Variants in REEP3 observed in about 807,000 individuals in gnomAD.
REEP3 encodes receptor accessory protein 3.
A neutral mutation model predicts 41.3 loss-of-function variants in REEP3; 20 were observed. The observed-to-expected ratio is 0.48, with a 90% CI of 0.34 to 0.70. The LOEUF (loss-of-function observed/expected upper bound fraction) is 0.70, where lower values mean the gene tolerates loss of function less well. Ranked by LOEUF, REEP3 falls within the 30% of genes least tolerant of loss-of-function variation. The pLI, the probability that REEP3 is intolerant of heterozygous loss-of-function variation, is 0.01. For synonymous variants in REEP3, 104 were observed against 101.8 expected (o/e 1.02, Z -0.13); for missense variants, 271 against 308.8 (o/e 0.88, Z 0.92).
intron 5 of REEP3, among the ~76,000 whole-genome samples, chr10:63,603,369 CATT>C (rs1956192715): frequency 6.7e-6 from 1 of 148,406 alleles, no homozygotes; most frequent in South Asian, 2.1e-4. Context: ...TTAAAATAAG[CATT>C]ATCTCACAGG....
intron 6 of REEP3, among the ~76,000 whole-genome samples, chr10:63,613,318 A>C (rs1395435797): frequency 6.6e-6 from 1 of 152,088 alleles, no homozygotes; most frequent in Non-Finnish European, 1.5e-5. Flanking sequence ...CCACCTACCA[A>C]ATTTTATATC....
chr10:63,532,840 G>A (rs1955436509), intron 1 of REEP3, among the ~76,000 whole-genome samples: 1 of 152,090 alleles, frequency 6.6e-6, no homozygotes, highest in African/African-American at 2.4e-5. Flanking sequence ...AGGAGGTAAA[G>A]GCTGCAGTGA....
intron 2 of REEP3, among the ~76,000 whole-genome samples, chr10:63,577,337 T>G (rs1955906831): frequency 2.0e-5 from 3 of 152,160 alleles, no homozygotes; most frequent in Non-Finnish European, 4.4e-5. Flanking sequence ...AGGAGGGACA[T>G]TGACAGGCTT....
chr10:63,610,911 A>G (rs1244044765), intron 6 of REEP3, among the ~76,000 whole-genome samples: 1 of 152,098 alleles, frequency 6.6e-6, no homozygotes, highest in Admixed American at 6.5e-5. Context: ...TCTACTAACA[A>G]TACAAAAAAA....
Position 63,538,434 on chromosome 10 carries a change from T to C in REEP3, c.32+16857T>C, listed in dbSNP as rs561191825. Among the ~76,000 whole-genome samples, 14 of 152,264 alleles carry C rather than the reference T, an allele frequency of 9.2e-5. No homozygotes were observed. In the East Asian group the frequency reaches 2.3e-3, roughly 25 times the overall value. On this transcript the variant is annotated intron_variant, in intron 1 of 7. Transcript: ENST00000373758. ...CTTGATGCACACAGAGTGTCATTTATATAAGACGAGGAAAACGGGCCGGGT... is the reference window on the plus strand; with the variant it reads ...CTTGATGCACACAGAGTGTCATTTACATAAGACGAGGAAAACGGGCCGGGT...
intron 1 of REEP3, among the ~76,000 whole-genome samples, chr10:63,542,665 A>G (rs2062859443): frequency 6.6e-6 from 1 of 152,218 alleles, no homozygotes; most frequent in Admixed American, 6.5e-5. Context: ...CAGACTCGCA[A>G]CCCTTTTGTA....
chr10:63,618,850 C>T (rs1049196614), intron 6 of REEP3, among the ~76,000 whole-genome samples: 3 of 152,250 alleles, frequency 2.0e-5, no homozygotes, highest in Non-Finnish European at 4.4e-5. Flanking sequence ...GAAGAGTTTT[C>T]GTCCTTGAGG....
At chr10:63,554,221 A>C (rs1955656691) in intron 1 of REEP3, among the ~76,000 whole-genome samples, 3 of 152,026 alleles carry the variant, frequency 2.0e-5, no homozygotes, top group Admixed American at 1.3e-4. Flanking sequence ...AAAGTAAACA[A>C]CTCCTCTGAG....
chr10:63,610,680 G>C (rs1284540985), intron 6 of REEP3, among the ~76,000 whole-genome samples: 1 of 152,056 alleles, frequency 6.6e-6, no homozygotes, highest in African/African-American at 2.4e-5. Flanking sequence ...AATTTAGGTA[G>C]ACAAAATTTA....
At chr10:63,613,432 A>G (rs1956290561) in intron 6 of REEP3, among the ~76,000 whole-genome samples, 2 of 152,256 alleles carry the variant, frequency 1.3e-5, no homozygotes, top group Admixed American at 6.5e-5. Context: ...TGGTAGCAGT[A>G]TAAGAAAGAT....
intron 1 of REEP3, among the ~76,000 whole-genome samples, chr10:63,546,343 G>A (rs1371809877): frequency 6.6e-6 from 1 of 152,196 alleles, no homozygotes; most frequent in Non-Finnish European, 1.5e-5. Flanking sequence ...GCAGTGGTCA[G>A]ATGCTAGATT....
chr10:63,576,842 T>G (rs1231012145), intron 2 of REEP3, among the ~76,000 whole-genome samples: 5 of 152,130 alleles, frequency 3.3e-5, no homozygotes, highest in Non-Finnish European at 7.4e-5. Context: ...GAGAGAAATA[T>G]TCCTCTTTTT....
chr10:63,539,331 A>G (rs1244423721), intron 1 of REEP3, among the ~76,000 whole-genome samples: 1 of 152,190 alleles, frequency 6.6e-6, no homozygotes, highest in Non-Finnish European at 1.5e-5. Context: ...AAAATTTTCT[A>G]ACCATACTGA....
At chr10:63,613,074 C>G (rs1185205160) in intron 6 of REEP3, among the ~76,000 whole-genome samples, 1 of 151,918 alleles carries the variant, frequency 6.6e-6, no homozygotes, top group Admixed American at 6.6e-5. Flanking sequence ...TGCAGTGGCA[C>G]GATCTCGGCT....
intron 3 of REEP3, among the ~76,000 whole-genome samples, chr10:63,595,569 C>G (rs1348430091): frequency 6.6e-6 from 1 of 151,944 alleles, no homozygotes; most frequent in Non-Finnish European, 1.5e-5. Flanking sequence ...CTAACAATTA[C>G]TCGTCTTTTT....
intron 2 of REEP3, among the ~76,000 whole-genome samples, chr10:63,573,610 G>T (rs537142690): frequency 5.1e-4 from 78 of 152,286 alleles, no homozygotes; most frequent in African/African-American, 1.8e-3. Flanking sequence ...CCCTCTAAAA[G>T]TCTGCTGACT....
At chr10:63,615,796 C>G (rs1956307719) in intron 6 of REEP3, among the ~76,000 whole-genome samples, 1 of 152,144 alleles carries the variant, frequency 6.6e-6, no homozygotes, top group South Asian at 2.1e-4. Flanking sequence ...TTCACCCACT[C>G]AGCCTCCCAA....
intron 2 of REEP3, among the ~76,000 whole-genome samples, chr10:63,582,094 G>A (rs1312155129): frequency 1.3e-5 from 2 of 152,204 alleles, no homozygotes; most frequent in Admixed American, 1.3e-4. Context: ...TCTCACTGCA[G>A]TGCTTCTCAA....
intron 1 of REEP3, among the ~76,000 whole-genome samples, chr10:63,528,058 G>T (rs1010658131): frequency 1.3e-5 from 2 of 151,628 alleles, no homozygotes; most frequent in Non-Finnish European, 2.9e-5. Flanking sequence ...AAGTTGGCAT[G>T]TCATGGGGAT....
Sources: gnomAD v4.1 joint callset for allele counts (sites outside exome capture counted in the v4.1 genomes callset) on GRCh38, gnomAD v4.1.1 for gene constraint, MANE v1.5 for transcripts, NCBI Gene and HGNC (gene_info 2026-07-23, HGNC 2026-07-21) for gene names.